The following MAPKAP1 variants were observed in gnomAD, a reference collection of about 807,000 sequenced individuals.
MAPKAP1 encodes the protein target of rapamycin complex 2 subunit MAPKAP1.
Under a neutral mutation model 65.7 loss-of-function variants are expected in MAPKAP1, and 20 were observed. The observed-to-expected ratio is 0.30, with a 90% CI of 0.21 to 0.44. MAPKAP1 has a LOEUF of 0.44. MAPKAP1 is among the 20% of genes least tolerant of loss of function. MAPKAP1 has a pLI of 1.00. For synonymous variants in MAPKAP1, 222 were observed against 244.3 expected, an observed-to-expected ratio of 0.91 and a Z score of 0.85; for missense variants, 423 against 648.0, an observed-to-expected ratio of 0.65 and a Z score of 3.77.
chr9:125,460,683 G>A (rs1853462557), intron 10 of MAPKAP1, among the ~76,000 whole-genome samples: 1 of 152,162 alleles, frequency 6.6e-6, no homozygotes. Flanking sequence ...ACAGAGACAA[G>A]CACATTGGTA....
At chr9:125,506,884 AATAAG>A (rs1471604246) in intron 7 of MAPKAP1, among the ~76,000 whole-genome samples, 1 of 152,254 alleles carries the variant, frequency 6.6e-6, no homozygotes, top group Non-Finnish European at 1.5e-5. Flanking sequence ...TACAATCAGG[AATAAG>A]ATATGTGTAG....
intron 5 of MAPKAP1, among the ~76,000 whole-genome samples, chr9:125,577,497 A>C (rs1385751342): frequency 8.6e-6 from 1 of 116,116 alleles, no homozygotes; most frequent in Admixed American, 8.6e-5. Flanking sequence ...CACCTCTGCC[A>C]GGCCACCCCT....
intron 5 of MAPKAP1, among the ~76,000 whole-genome samples, chr9:125,571,526 A>G (rs1418666076): frequency 6.6e-6 from 1 of 152,240 alleles, no homozygotes; most frequent in Non-Finnish European, 1.5e-5. Context: ...AACTGGACCA[A>G]TAGCAAACTA....
intron 4 of MAPKAP1, among the ~76,000 whole-genome samples, chr9:125,605,806 A>G (rs1383267551): frequency 6.6e-6 from 1 of 152,260 alleles, no homozygotes; most frequent in African/African-American, 2.4e-5. Flanking sequence ...TCCAGCTGCA[A>G]TAAGAGGTTT....
At chr9:125,561,640 G>A (rs1217226320) in intron 5 of MAPKAP1, among the ~76,000 whole-genome samples, 1 of 152,200 alleles carries the variant, frequency 6.6e-6, no homozygotes, top group African/African-American at 2.4e-5. Context: ...TCTGTGGTCA[G>A]AACGAGTTCA....
At chr9:125,590,624 C>T (rs140597209) in intron 4 of MAPKAP1, among the ~76,000 whole-genome samples, 4,001 of 151,224 alleles carry the variant, frequency 0.026, 180 homozygotes, top group African/African-American at 0.093. Context: ...CACTCCAGCC[C>T]GGGCAACAAG....
intron 2 of MAPKAP1, among the ~76,000 whole-genome samples, chr9:125,671,972 G>C (rs145286788): frequency 6.6e-6 from 1 of 152,104 alleles, no homozygotes; most frequent in Non-Finnish European, 1.5e-5. Context: ...ATCTGTCTCC[G>C]GGTAGTCTAC....
At chr9:125,622,293 G>T (rs908228286) in intron 4 of MAPKAP1, among the ~76,000 whole-genome samples, 9 of 152,034 alleles carry the variant, frequency 5.9e-5, no homozygotes, top group Non-Finnish European at 1.0e-4. Context: ...TTTTCAAAAA[G>T]ATAAAAAAAG....
intron 1 of MAPKAP1, among the ~76,000 whole-genome samples, chr9:125,690,405 AGAGGGTGCAT>A (rs1188330916): frequency 9.8e-5 from 15 of 152,364 alleles, no homozygotes; most frequent in African/African-American, 3.4e-4. Context: ...AGAAGTTGAG[AGAGGGTGCAT>A]AGGAGAGGCT....
intron 5 of MAPKAP1, among the ~76,000 whole-genome samples, chr9:125,563,528 A>G (rs1456053329): frequency 1.3e-5 from 2 of 152,128 alleles, no homozygotes; most frequent in African/African-American, 4.8e-5. Context: ...CACTAATCAT[A>G]TTGCTTTTTC....
At chr9:125,635,045 T>C (rs1467420678) in intron 4 of MAPKAP1, among the ~76,000 whole-genome samples, 1 of 152,292 alleles carries the variant, frequency 6.6e-6, no homozygotes, top group East Asian at 1.9e-4. Flanking sequence ...AGCTAACCAG[T>C]CTCATGATGG....
In MAPKAP1 at chr9:125,706,982, T is replaced by G. The variant is rs1422170871; in HGVS notation, c.-81A>C. On this transcript the variant is annotated 5_prime_UTR_variant, in exon 1 of 12. Coordinates refer to ENST00000265960, the MANE Select transcript of MAPKAP1 (RefSeq NM_001006617.3). ...GGGGCAACCTTTACCTGAAGCTGCT[T>G]CCACACTACGGGCCGGGTCGGCCCC... is the stretch of plus-strand genomic sequence containing the variant. 1 of 395,320 alleles carries G rather than the reference T, an allele frequency of 2.5e-6. No individual in the cohort carries two copies. Among genetic ancestry groups the G allele is most frequent in the Non-Finnish European group, 4.5e-6 (1 of 224,518 alleles). The allele number at this position is 395,320 out of a possible 1,614,324, so 24.5% of individuals were successfully genotyped here. A position where few individuals can be genotyped will look rare whatever the true frequency, so the allele number is the denominator to read the frequency against.
chr9:125,614,175 T>C (rs1832681836), intron 4 of MAPKAP1, among the ~76,000 whole-genome samples: 1 of 152,140 alleles, frequency 6.6e-6, no homozygotes, highest in Non-Finnish European at 1.5e-5. Flanking sequence ...AAGAGAATAA[T>C]CTTACAGGCC....
At chr9:125,600,190 T>C (rs1385285188) in intron 4 of MAPKAP1, among the ~76,000 whole-genome samples, 2 of 150,598 alleles carry the variant, frequency 1.3e-5, no homozygotes, top group African/African-American at 4.9e-5. Context: ...GTAAGACATT[T>C]CATAAAACAT....
At chr9:125,488,766 G>A (rs1050968426) in intron 8 of MAPKAP1, among the ~76,000 whole-genome samples, 1 of 152,206 alleles carries the variant, frequency 6.6e-6, no homozygotes, top group Non-Finnish European at 1.5e-5. Context: ...GACGGTGGGG[G>A]ACACTGGTGA....
chr9:125,698,307 ATATATATAT>A (rs1835479689), intron 1 of MAPKAP1, among the ~76,000 whole-genome samples: 8 of 53,216 alleles, frequency 1.5e-4, no homozygotes, highest in Admixed American at 7.0e-4. Flanking sequence ...ATATATATAT[ATATATATAT>A]ATATATATAT....
intron 8 of MAPKAP1, among the ~76,000 whole-genome samples, chr9:125,496,575 A>G (rs1191137220): frequency 6.6e-6 from 1 of 152,222 alleles, no homozygotes; most frequent in African/African-American, 2.4e-5. Context: ...CAGAGCCTCC[A>G]GAAGCAGCAT....
chr9:125,441,495 A>G (rs576285773), intron 11 of MAPKAP1, among the ~76,000 whole-genome samples: 9 of 152,348 alleles, frequency 5.9e-5, no homozygotes, highest in African/African-American at 2.2e-4. Context: ...GCTGGTGTTC[A>G]ATAAATGGGA....
intron 8 of MAPKAP1, among the ~76,000 whole-genome samples, chr9:125,495,851 G>A (rs1214644493): frequency 1.3e-5 from 2 of 152,216 alleles, no homozygotes; most frequent in Non-Finnish European, 2.9e-5. Context: ...AGTCTAAGGG[G>A]CTAGAGGGAA....
Sources: gnomAD v4.1 joint callset for allele counts (sites outside exome capture counted in the v4.1 genomes callset) on GRCh38, gnomAD v4.1.1 for gene constraint, MANE v1.5 for transcripts, NCBI Gene and HGNC (gene_info 2026-07-23, HGNC 2026-07-21) for gene names.